The following RBFOX1 variants were observed in gnomAD, a reference collection of about 807,000 sequenced individuals.
The protein encoded by RBFOX1 is RNA binding protein fox-1 homolog 1.
A neutral mutation model predicts 57.7 loss-of-function variants in RBFOX1; 8 were observed. The observed-to-expected ratio is 0.14, with a 90% CI of 0.08 to 0.25. RBFOX1 has a LOEUF of 0.25. RBFOX1 is among the 10% of genes least tolerant of loss of function. The probability of loss-of-function intolerance (pLI) is 1.00; values close to 1 mark genes in which losing one functional copy is unlikely to be tolerated. For missense variants in RBFOX1, 611 were observed against 548.5 expected (o/e 1.11, Z -1.14); for synonymous variants, 326 against 222.4 (o/e 1.47, Z -4.15).
chr16:6,196,566 C>G (rs2097181303), intron 1 of RBFOX1, among the ~76,000 whole-genome samples: 1 of 152,068 alleles, frequency 6.6e-6, no homozygotes, highest in Admixed American at 6.6e-5. Context: ...AAATCCACCC[C>G]CCAAATGTGA....
chr16:6,370,362 GAAAAAAAA>G (rs71145221), intron 2 of RBFOX1, among the ~76,000 whole-genome samples: 8 of 81,976 alleles, frequency 9.8e-5, no homozygotes, highest in African/African-American at 3.9e-4. Context: ...CGTCTCAAAA[GAAAAAAAA>G]AAAAAAAAAA....
intron 3 of RBFOX1, among the ~76,000 whole-genome samples, chr16:5,652,508 A>G (rs1370592072): frequency 6.6e-6 from 1 of 152,172 alleles, no homozygotes; most frequent in East Asian, 1.9e-4. Context: ...TCTTTGTGCA[A>G]CAGGAGGGAT....
intron 1 of RBFOX1, among the ~76,000 whole-genome samples, chr16:5,266,688 A>G (rs532684390): frequency 6.6e-6 from 1 of 151,692 alleles, no homozygotes; most frequent in Non-Finnish European, 1.5e-5. Flanking sequence ...AGCTGGGACT[A>G]CAGGCATGTG....
intron 4 of RBFOX1, among the ~76,000 whole-genome samples, chr16:7,446,763 G>A (rs908819506): frequency 2.2e-5 from 3 of 136,150 alleles, no homozygotes; most frequent in Non-Finnish European, 4.7e-5. Flanking sequence ...TTAAGCTCAC[G>A]TTTTCCTATT....
At position 6,226,408 on chromosome 16, in the gene RBFOX1, A is replaced by G. The variant is rs190684685; in HGVS notation, c.-126-90587A>G. Among the ~76,000 whole-genome samples, 212 of 149,590 alleles carry G rather than the reference A, an allele frequency of 1.4e-3. 1 individual carries two copies. The highest frequency in any genetic ancestry group is 2.5e-3 in the Non-Finnish European group (168 of 67,388). Reference sequence around the variant, plus strand: ...AAAAAAAAACAAAAAAATATTTCCAATAAATTTTCAGCAATGTGAAGTAAG... The same window carrying G: ...AAAAAAAAACAAAAAAATATTTCCAGTAAATTTTCAGCAATGTGAAGTAAG... On this transcript the variant is annotated intron_variant, in intron 1 of 15. Coordinates refer to ENST00000550418, the MANE Select transcript of RBFOX1 (RefSeq NM_018723.4).
At chr16:6,518,519 T>C (rs2096428141) in intron 2 of RBFOX1, among the ~76,000 whole-genome samples, 1 of 152,136 alleles carries the variant, frequency 6.6e-6, no homozygotes, top group African/African-American at 2.4e-5. Context: ...CTCTGGGTCA[T>C]GTAGATCTGA....
chr16:6,704,277 A>G (rs967119753), intron 3 of RBFOX1: 1 of 152,226 alleles, frequency 6.6e-6, no homozygotes, highest in African/African-American at 2.4e-5. Flanking sequence ...TCCCTGCTCC[A>G]CAGAGATATG....
intron 2 of RBFOX1, among the ~76,000 whole-genome samples, chr16:6,337,505 A>G (rs1021915889): frequency 6.6e-6 from 1 of 152,224 alleles, no homozygotes. Flanking sequence ...AGGAGTGGAA[A>G]TAAATTAATG....
At chr16:7,308,572 A>G (rs2096245365) in intron 4 of RBFOX1, among the ~76,000 whole-genome samples, 1 of 152,224 alleles carries the variant, frequency 6.6e-6, no homozygotes, top group Non-Finnish European at 1.5e-5. Flanking sequence ...CCACTTAATG[A>G]TGATCCATGT....
At chr16:6,932,592 C>A (rs556367703) in intron 3 of RBFOX1, among the ~76,000 whole-genome samples, 1 of 152,232 alleles carries the variant, frequency 6.6e-6, no homozygotes, top group African/African-American at 2.4e-5. Flanking sequence ...GCCTCACTTC[C>A]TCATCCCACG....
rs79536086 is a variant in RBFOX1, at chr16:6,445,606, T to C, written c.-64+128549T>C. Among the ~76,000 whole-genome samples the C allele has an allele frequency of 5.5e-3, 788 of 144,256 alleles. 27 individuals are homozygous for C. The East Asian group carries it at 0.11, about 21-fold the overall frequency. 94.6% of individuals were successfully genotyped at this position (144,256 alleles called of 152,430 possible). On this transcript the variant is annotated intron_variant, in intron 2 of 15. Coordinates refer to ENST00000550418, the MANE Select transcript of RBFOX1 (RefSeq NM_018723.4). The stretch of plus-strand genomic sequence containing the variant: ...TTTGAGATGGAGTTTTTTTTTGAGA[T>C]GGAGCCTTACTCTGTTGCCAGGATG...
chr16:7,009,347 C>A (rs116948835), intron 3 of RBFOX1, among the ~76,000 whole-genome samples: 18 of 150,112 alleles, frequency 1.2e-4, no homozygotes, highest in African/African-American at 4.4e-4. Flanking sequence ...GAAGACCCTG[C>A]GCCAAGCAGT....
chr16:6,529,291 G>A (rs868540401), intron 2 of RBFOX1, among the ~76,000 whole-genome samples: 2 of 152,188 alleles, frequency 1.3e-5, no homozygotes, highest in Middle Eastern at 3.4e-3. Context: ...GTCCAGGCAC[G>A]GTGGCTCATG....
At chr16:6,276,347 T>G (rs937814894) in intron 1 of RBFOX1, among the ~76,000 whole-genome samples, 1 of 152,188 alleles carries the variant, frequency 6.6e-6, no homozygotes, top group African/African-American at 2.4e-5. Flanking sequence ...AGAGTCTTTT[T>G]TTTTGTTAAG....
chr16:7,622,353 C>G (rs1487653866), intron 10 of RBFOX1, among the ~76,000 whole-genome samples: 1 of 152,164 alleles, frequency 6.6e-6, no homozygotes, highest in Admixed American at 6.5e-5. Flanking sequence ...GCAGGATACC[C>G]AGTGATTCTC....
chr16:6,571,394 C>G (rs1007220953), intron 2 of RBFOX1, among the ~76,000 whole-genome samples: 1 of 152,286 alleles, frequency 6.6e-6, no homozygotes, highest in East Asian at 1.9e-4. Context: ...TGTCAGGAAT[C>G]AATATCAGGT....
intron 3 of RBFOX1, among the ~76,000 whole-genome samples, chr16:6,728,559 C>T (rs1313299935): frequency 6.6e-6 from 1 of 152,136 alleles, no homozygotes; most frequent in Non-Finnish European, 1.5e-5. Flanking sequence ...TCATTATCCC[C>T]CACAAAAAGC....
chr16:6,847,843 G>A (rs1416043481), intron 3 of RBFOX1, among the ~76,000 whole-genome samples: 1 of 151,926 alleles, frequency 6.6e-6, no homozygotes, highest in Admixed American at 6.6e-5. Context: ...TCCTTTTGGT[G>A]GTGGTTGTTG....
At chr16:7,106,903 G>C (rs1269003931) in intron 4 of RBFOX1, among the ~76,000 whole-genome samples, 1 of 151,834 alleles carries the variant, frequency 6.6e-6, no homozygotes, top group Non-Finnish European at 1.5e-5. Context: ...ACTATTCTTG[G>C]CAGTGGGCAT....
Sources: gnomAD v4.1 joint callset for allele counts (sites outside exome capture counted in the v4.1 genomes callset) on GRCh38, gnomAD v4.1.1 for gene constraint, MANE v1.5 for transcripts, NCBI Gene and HGNC (gene_info 2026-07-23, HGNC 2026-07-21) for gene names.